The following ZNF407 variants were observed in gnomAD, a reference collection of about 807,000 sequenced individuals.
ZNF407 encodes the protein zinc finger protein 407.
ZNF407 carries 17 observed loss-of-function variants against 131.2 expected under a neutral mutation model. That is an observed-to-expected ratio of 0.13 (90% CI 0.09 to 0.19). The LOEUF is 0.19. Ranked by LOEUF, ZNF407 falls within the 10% of genes least tolerant of loss-of-function variation. The probability of loss-of-function intolerance (pLI) is 1.00; values close to 1 mark genes in which losing one functional copy is unlikely to be tolerated. For synonymous variants in ZNF407, 1,156 were observed against 1,062.0 expected (o/e 1.09, Z -1.72); for missense variants, 2,681 against 2,830.6 (o/e 0.95, Z 1.20).
At chr18:74,855,692 A>G (rs1970849768) in intron 4 of ZNF407, among the ~76,000 whole-genome samples, 1 of 152,220 alleles carries the variant, frequency 6.6e-6, no homozygotes. Context: ...TGGGTTTTGT[A>G]AAAATAGCAA....
chr18:74,613,876 T>G (rs912459564), intron 1 of ZNF407, among the ~76,000 whole-genome samples: 1 of 152,242 alleles, frequency 6.6e-6, no homozygotes, highest in Admixed American at 6.5e-5. Context: ...AAGAATTGTT[T>G]AACATAGTTG....
chr18:75,026,655 C>T (rs547140507), intron 8 of ZNF407, among the ~76,000 whole-genome samples: 1 of 152,298 alleles, frequency 6.6e-6, no homozygotes, highest in East Asian at 1.9e-4. Context: ...AAACGCAGTT[C>T]AAGAGGTAGT....
intron 4 of ZNF407, among the ~76,000 whole-genome samples, chr18:74,796,603 G>A (rs191240335): frequency 6.6e-6 from 1 of 152,094 alleles, no homozygotes; most frequent in African/African-American, 2.4e-5. Context: ...AGCATACAAT[G>A]CACTTTTGGC....
intron 7 of ZNF407, among the ~76,000 whole-genome samples, chr18:74,913,629 C>G (rs1194719794): frequency 6.6e-6 from 1 of 152,208 alleles, no homozygotes; most frequent in Admixed American, 6.5e-5. Context: ...AGCTGGTCAT[C>G]TGGGACACAG....
rs758438786 is a variant in ZNF407, at chr18:74,632,527, A to G, written c.1508A>G (p.Gln503Arg). ...TSETQEAEQG[Q>R]GSARPPDSGL... ...GAAACCCAGGAGGCAGAGCAGGGCCAGGGGAGTGCCCGTCCTCCGGACTCC... is the reference window on the plus strand; with the variant it reads ...GAAACCCAGGAGGCAGAGCAGGGCCGGGGGAGTGCCCGTCCTCCGGACTCC... Residue 503 changes from glutamine (Q) to arginine (R), a missense_variant, in exon 2 of 9, where the codon CAG (glutamine) becomes CGG (arginine). This residue lies in a region of ZNF407 where 1,789 missense variants were observed against 1,748.7 expected (regional missense o/e 1.02). Transcript: ENST00000299687. 5.0e-6 allele frequency: 8 copies of G among 1,613,932 alleles called. No homozygotes were observed. The highest frequency in any genetic ancestry group is 6.8e-6 in the Non-Finnish European group (8 of 1,179,914).
At chr18:74,993,712 A>G (rs1452163405) in intron 8 of ZNF407, among the ~76,000 whole-genome samples, 4 of 152,250 alleles carry the variant, frequency 2.6e-5, no homozygotes, top group African/African-American at 9.6e-5. Flanking sequence ...AGTAATAGTT[A>G]ACAGTGTTCC....
At chr18:75,042,216 G>A (rs1318817146) in intron 8 of ZNF407, among the ~76,000 whole-genome samples, 1 of 151,952 alleles carries the variant, frequency 6.6e-6, no homozygotes, top group Non-Finnish European at 1.5e-5. Context: ...TCTCATTTCT[G>A]TAACAACAGT....
At chr18:74,809,099 G>GA (rs555358779) in intron 4 of ZNF407, among the ~76,000 whole-genome samples, 188 of 151,688 alleles carry the variant, frequency 1.2e-3, no homozygotes, top group African/African-American at 4.0e-3. Flanking sequence ...ATTCTTTTAC[G>GA]AAAAAAAACA....
chr18:74,698,330 C>T (rs1967408756), intron 3 of ZNF407, among the ~76,000 whole-genome samples: 1 of 152,178 alleles, frequency 6.6e-6, no homozygotes, highest in African/African-American at 2.4e-5. Flanking sequence ...TTAAGATGGA[C>T]ATATCAACAT....
chr18:74,796,767 T>G (rs1234569176), intron 4 of ZNF407, among the ~76,000 whole-genome samples: 1 of 152,186 alleles, frequency 6.6e-6, no homozygotes, highest in Non-Finnish European at 1.5e-5. Flanking sequence ...GTAATTCTAT[T>G]TAAACTGTAA....
At chr18:75,047,638 C>G (rs1298696463) in intron 8 of ZNF407, among the ~76,000 whole-genome samples, 1 of 152,210 alleles carries the variant, frequency 6.6e-6, no homozygotes, top group African/African-American at 2.4e-5. Flanking sequence ...CAAAGCCTAG[C>G]TCCTACTAAT....
chr18:74,827,803 T>C (rs1970429032), intron 4 of ZNF407, among the ~76,000 whole-genome samples: 1 of 152,232 alleles, frequency 6.6e-6, no homozygotes, highest in African/African-American at 2.4e-5. Context: ...TATTTCTAAG[T>C]CTGTCTTAAT....
intron 8 of ZNF407, among the ~76,000 whole-genome samples, chr18:74,927,385 A>G (rs1971928073): frequency 1.3e-5 from 2 of 152,248 alleles, no homozygotes; most frequent in South Asian, 4.1e-4. Context: ...AAGAGTTCAA[A>G]TAATCTAAAC....
At chr18:75,025,337 T>A (rs185752193) in intron 8 of ZNF407, among the ~76,000 whole-genome samples, 13 of 152,334 alleles carry the variant, frequency 8.5e-5, no homozygotes, top group African/African-American at 2.6e-4. Context: ...GCCAATGACA[T>A]TTGAGCATTC....
At chr18:74,916,742 G>A (rs1033023035) in intron 7 of ZNF407, among the ~76,000 whole-genome samples, 2 of 135,682 alleles carry the variant, frequency 1.5e-5, no homozygotes, top group Non-Finnish European at 3.1e-5. Context: ...TGTGTGTGCT[G>A]GTATGGTGAG....
rs774168333 is a variant in ZNF407 at position 74,631,210 on chromosome 18, T to G, written c.191T>G (p.Ile64Arg). 6 of 1,614,000 alleles carry G rather than the reference T, an allele frequency of 3.7e-6. No homozygotes were observed. The highest frequency in any genetic ancestry group is 5.1e-6 in the Non-Finnish European group (6 of 1,179,880). ...TCATCGAACTCTGATAGTGTTGTTA[T>G]AGGAGAAGACAGAAATAAACATGCT... ...SESSNSDSVV[I>R]GEDRNKHASK... The change falls in exon 2 of 9, where the codon ATA becomes AGA. Residue 64 changes from isoleucine (I) to arginine (R), a missense_variant. Ile to Arg is a moderately conservative substitution (Grantham distance 97, BLOSUM62 -3). Coordinates refer to ENST00000299687, the MANE Select transcript of ZNF407 (RefSeq NM_017757.3).
chr18:74,898,408 T>C (rs938058642), intron 7 of ZNF407: 1 of 152,240 alleles, frequency 6.6e-6, no homozygotes, highest in African/African-American at 2.4e-5. Context: ...AAAGAACTAC[T>C]TCTGAGGTTT....
intron 4 of ZNF407, among the ~76,000 whole-genome samples, chr18:74,819,548 G>A (rs1294057849): frequency 6.6e-6 from 1 of 152,198 alleles, no homozygotes; most frequent in African/African-American, 2.4e-5. Context: ...GTGGAGATGA[G>A]AGGATGCTGG....
intron 8 of ZNF407, among the ~76,000 whole-genome samples, chr18:74,953,413 G>A (rs1972238784): frequency 6.6e-6 from 1 of 152,164 alleles, no homozygotes; most frequent in South Asian, 2.1e-4. Flanking sequence ...TGGTGGCTTT[G>A]TACATCTGCC....
Sources: allele counts gnomAD v4.1 joint callset (sites outside exome capture counted in the v4.1 genomes callset), GRCh38; gene constraint gnomAD v4.1.1; regional missense constraint gnomAD v4.1.1; transcripts MANE v1.5; gene names NCBI Gene and HGNC (gene_info 2026-07-23, HGNC 2026-07-21).